Variants in MOGAT1 observed in about 807,000 individuals in gnomAD.
MOGAT1 encodes 2-acylglycerol O-acyltransferase 1.
A neutral mutation model predicts 31.4 loss-of-function variants in MOGAT1; 32 were observed. The observed-to-expected ratio is 1.02, with a 90% CI of 0.77 to 1.37. The LOEUF (loss-of-function observed/expected upper bound fraction) is 1.37. Among genes scored for constraint, MOGAT1 ranks in the 40% most tolerant of loss-of-function variants. The pLI, the probability that MOGAT1 is intolerant of heterozygous loss-of-function variation, is 0.00. For missense variants in MOGAT1, 426 were observed against 402.0 expected (o/e 1.06, Z -0.51); for synonymous variants, 145 against 144.5 (o/e 1.00, Z -0.03).
At chr2:222,700,906 A>C (rs1333274324) in intron 5 of MOGAT1, among the ~76,000 whole-genome samples, 1 of 152,198 alleles carries the variant, frequency 6.6e-6, no homozygotes, top group Non-Finnish European at 1.5e-5. Flanking sequence ...GGAAGGATTC[A>C]GGCAACATCT....
intron 1 of MOGAT1, among the ~76,000 whole-genome samples, chr2:222,681,212 T>G (rs1275803436): frequency 6.6e-6 from 1 of 152,196 alleles, no homozygotes; most frequent in African/African-American, 2.4e-5. Context: ...TACCTGGAGC[T>G]AGGTCTCACA....
At chr2:222,686,611 C>T (rs1270377500) in intron 1 of MOGAT1, among the ~76,000 whole-genome samples, 6 of 152,150 alleles carry the variant, frequency 3.9e-5, no homozygotes, top group African/African-American at 1.2e-4. Flanking sequence ...GCAGAGGGCA[C>T]TCTTTACAGC....
At chr2:222,694,029 G>A (rs1692804923) in intron 3 of MOGAT1, among the ~76,000 whole-genome samples, 1 of 152,182 alleles carries the variant, frequency 6.6e-6, no homozygotes, top group South Asian at 2.1e-4. Flanking sequence ...AACAACTCCA[G>A]GGGCAGGGGA....
chr2:222,697,862 A>T (rs1049189051), intron 5 of MOGAT1, among the ~76,000 whole-genome samples: 1 of 151,284 alleles, frequency 6.6e-6, no homozygotes, highest in East Asian at 1.9e-4. Flanking sequence ...GGCGTGAGCC[A>T]CCGCCTGTAC....
At chr2:222,677,538 C>T in intron 1 of MOGAT1, 1 of 159,498 alleles carries the variant, frequency 6.3e-6, no homozygotes, top group Non-Finnish European at 1.4e-5. Flanking sequence ...AAGGACTTAC[C>T]AGCTTCTAGG....
intron 1 of MOGAT1, among the ~76,000 whole-genome samples, chr2:222,675,609 A>C (rs551767393): frequency 1.3e-5 from 2 of 150,496 alleles, no homozygotes; most frequent in Non-Finnish European, 2.9e-5. Flanking sequence ...CCTCCTGAGT[A>C]TCTGGGACTA....
At position 222,689,447 on chromosome 2, in the gene MOGAT1, T is replaced by C. The variant is rs772659850; in HGVS notation, c.456T>C (p.Phe152=). 9.7e-5 allele frequency: 156 copies of C among 1,613,912 alleles called. No individual in the cohort carries two copies. The highest frequency in any genetic ancestry group is 1.3e-4 in the Non-Finnish European group (151 of 1,179,872). The change falls in exon 3 of 6, where the codon TTT becomes TTC. Residue 152 remains phenylalanine, a synonymous_variant. Transcript: ENST00000446656. The part of the protein sequence containing the change: ...VLPLWFWCPV[F]REYVMSVGLV... ...CACTTTGGTTCTGGTGTCCTGTCTT[T>C]CGAGAATATGTGATGAGTGTTGGTA...
At chr2:222,690,531 C>T (rs1692743193) in intron 3 of MOGAT1, among the ~76,000 whole-genome samples, 2 of 151,900 alleles carry the variant, frequency 1.3e-5, no homozygotes, top group Middle Eastern at 3.4e-3. Flanking sequence ...CACTCCAGCC[C>T]GGGCGACAGA....
rs571692431 is a variant in MOGAT1, at chr2:222,675,618, T to C, written c.94+3739T>C. ...CCTCAGCCTCCTGAGTATCTGGGACTACAGGCGCCCACCACCACGCCCGGC... is the reference window on the plus strand; with the variant it reads ...CCTCAGCCTCCTGAGTATCTGGGACCACAGGCGCCCACCACCACGCCCGGC... On this transcript the variant is annotated intron_variant, in intron 1 of 5. Transcript: ENST00000446656. Among the ~76,000 whole-genome samples, 12 of 152,056 alleles carry C rather than the reference T, an allele frequency of 7.9e-5. No individual in the cohort carries two copies. The South Asian group carries it at 2.5e-3, about 32-fold the overall frequency.
At chr2:222,700,425 A>G (rs1447893003) in intron 5 of MOGAT1, among the ~76,000 whole-genome samples, 2 of 152,246 alleles carry the variant, frequency 1.3e-5, no homozygotes, top group Non-Finnish European at 2.9e-5. Flanking sequence ...TCTCTTAAAC[A>G]TTCAGAAAGG....
chr2:222,678,022 G>A (rs555673154), intron 1 of MOGAT1: 26 of 249,188 alleles, frequency 1.0e-4, no homozygotes, highest in Admixed American at 4.1e-4. Flanking sequence ...CCAACAGGAA[G>A]CCCTCACCAG....
chr2:222,687,119 A>C, intron 1 of MOGAT1, among the ~76,000 whole-genome samples: 1 of 108,942 alleles, frequency 9.2e-6, no homozygotes, highest in African/African-American at 4.6e-5. Context: ...ATCTCAAAAA[A>C]AAAAAAAAAA....
chr2:222,677,123 G>A (rs1421605210), intron 1 of MOGAT1, among the ~76,000 whole-genome samples: 1 of 152,074 alleles, frequency 6.6e-6, no homozygotes, highest in Non-Finnish European at 1.5e-5. Context: ...ACTGGCCAAA[G>A]GTGGGTACAA....
chr2:222,687,143 AGAAC>A (rs1559230164), intron 1 of MOGAT1, among the ~76,000 whole-genome samples: 70 of 61,348 alleles, frequency 1.1e-3, no homozygotes, highest in African/African-American at 1.7e-3. Context: ...AAAAAAAGAA[AGAAC>A]AAGAAAGAAA....
intron 1 of MOGAT1, among the ~76,000 whole-genome samples, chr2:222,683,297 G>A (rs184965271): frequency 6.6e-6 from 1 of 152,140 alleles, no homozygotes; most frequent in Non-Finnish European, 1.5e-5. Context: ...TGGGTAAAGG[G>A]TTTTATTTTG....
chr2:222,685,165 A>T (rs1692645339), intron 1 of MOGAT1, among the ~76,000 whole-genome samples: 1 of 152,216 alleles, frequency 6.6e-6, no homozygotes, highest in African/African-American at 2.4e-5. Context: ...CAAAAGGAAA[A>T]TTTTAAGAGT....
intron 1 of MOGAT1, among the ~76,000 whole-genome samples, chr2:222,680,631 G>A (rs1394500188): frequency 6.6e-6 from 1 of 152,064 alleles, no homozygotes; most frequent in East Asian, 1.9e-4. Context: ...GGCACGGATA[G>A]GTATTTAAAA....
chr2:222,678,497 A>C, intron 1 of MOGAT1, among the ~76,000 whole-genome samples: 1 of 152,230 alleles, frequency 6.6e-6, no homozygotes, highest in East Asian at 1.9e-4. Context: ...TTTATCAGCG[A>C]TGAGCTTTGT....
At chr2:222,672,992 C>A (rs1229369587) in intron 1 of MOGAT1, among the ~76,000 whole-genome samples, 1 of 151,536 alleles carries the variant, frequency 6.6e-6, no homozygotes, top group Non-Finnish European at 1.5e-5. Flanking sequence ...CGGCTCACCA[C>A]AACCTCCGCC....
Sources: allele counts gnomAD v4.1 joint callset (sites outside exome capture counted in the v4.1 genomes callset), GRCh38; gene constraint gnomAD v4.1.1; transcripts MANE v1.5; gene names NCBI Gene and HGNC (gene_info 2026-07-23, HGNC 2026-07-21).